The following NBEAL1 variants were observed in gnomAD, a reference collection of about 807,000 sequenced individuals.
The protein encoded by NBEAL1 is neurobeachin-like protein 1.
NBEAL1 carries 273 observed loss-of-function variants against 351.3 expected under a neutral mutation model. That is an observed-to-expected ratio of 0.78 (90% CI 0.70 to 0.86). The LOEUF is 0.86. Ranked by LOEUF, NBEAL1 falls within the 40% of genes least tolerant of loss-of-function variation. NBEAL1 has a pLI of 0.00. For missense variants in NBEAL1, 2,961 were observed against 3,201.3 expected, an observed-to-expected ratio of 0.92 and a Z score of 1.81; for synonymous variants, 1,050 against 1,086.4, an observed-to-expected ratio of 0.97 and a Z score of 0.66.
chr2:203,144,330 A>G (rs1263468268), intron 31 of NBEAL1, among the ~76,000 whole-genome samples: 1 of 151,880 alleles, frequency 6.6e-6, no homozygotes, highest in Non-Finnish European at 1.5e-5. Context: ...TGGGAATTGC[A>G]CTTTGAGAAA....
chr2:203,190,151 GAT>G (rs2065025258), intron 45 of NBEAL1, 139 bp from the exon 46 acceptor site: 5 of 422,768 alleles, frequency 1.2e-5, no homozygotes, highest in Middle Eastern at 5.9e-4. Flanking sequence ...AAAAAAAAAA[GAT>G]GTGTGTACAC....
chr2:203,169,736 G>A lies in NBEAL1; in HGVS notation c.5998-11G>A. On this transcript the variant is annotated splice_polypyrimidine_tract_variant and intron_variant, in intron 38 of 55. Transcript: ENST00000683969. The stretch of plus-strand genomic sequence containing the variant: ...ATTCATTTTTAAAGTATAAAATGCT[G>A]TTTTTTATAGGTTAGAAACAAAATA... The A allele has an allele frequency of 6.5e-7, 1 of 1,530,018 alleles. No homozygotes were observed. Among genetic ancestry groups the A allele is most frequent in the Non-Finnish European group, 8.9e-7 (1 of 1,121,252 alleles). The allele number at this position is 1,530,018 out of a possible 1,614,324, so 94.8% of individuals were successfully genotyped here.
intron 10 of NBEAL1, among the ~76,000 whole-genome samples, chr2:203,093,059 C>A (rs1346292037): frequency 6.6e-6 from 1 of 151,678 alleles, no homozygotes; most frequent in Non-Finnish European, 1.5e-5. Flanking sequence ...AGTGAAACCC[C>A]GTCTCTACTA....
chr2:203,192,958 T>A (rs1452830567), intron 46 of NBEAL1, among the ~76,000 whole-genome samples: 2 of 127,076 alleles, frequency 1.6e-5, no homozygotes, highest in Non-Finnish European at 3.4e-5. Flanking sequence ...TTTTTTTCTT[T>A]CTTTCTTTTT....
chr2:203,083,725 A>G (rs2061912951), intron 9 of NBEAL1, among the ~76,000 whole-genome samples, 200 bp downstream of exon 9: 1 of 152,252 alleles, frequency 6.6e-6, no homozygotes, highest in South Asian at 2.1e-4. Flanking sequence ...TAACAATAAC[A>G]AAGTCAAGTC....
At chr2:203,094,226 G>T (rs1318519546) in intron 10 of NBEAL1, among the ~76,000 whole-genome samples, 1 of 152,048 alleles carries the variant, frequency 6.6e-6, no homozygotes, top group Admixed American at 6.5e-5. Context: ...AATGTTTTCT[G>T]TATATTAAAT....
At chr2:203,027,546 C>T (rs2060878615) in intron 2 of NBEAL1, among the ~76,000 whole-genome samples, 1 of 152,096 alleles carries the variant, frequency 6.6e-6, no homozygotes, top group Admixed American at 6.5e-5. Flanking sequence ...ATAATTTTTA[C>T]TGACACTGAA....
chr2:203,121,821 T>A (rs1396266071), intron 18 of NBEAL1, among the ~76,000 whole-genome samples: 3 of 152,116 alleles, frequency 2.0e-5, no homozygotes, highest in Non-Finnish European at 4.4e-5. Context: ...AGTCTCACTC[T>A]GTCACTGAGG....
At chr2:203,184,074 TAAAAAAA>T (rs1170251389) in intron 44 of NBEAL1, among the ~76,000 whole-genome samples, 4 of 87,984 alleles carry the variant, frequency 4.5e-5, no homozygotes, top group Non-Finnish European at 8.6e-5. Flanking sequence ...CGAGACTGTC[TAAAAAAA>T]AAAAAAAAAA....
intron 2 of NBEAL1, among the ~76,000 whole-genome samples, chr2:203,024,320 G>A (rs1483171120): frequency 6.6e-6 from 1 of 152,132 alleles, no homozygotes; most frequent in Admixed American, 6.6e-5. Flanking sequence ...CATTTTGGGA[G>A]GCCAAGGTGG....
chr2:203,136,040 T>G lies in NBEAL1; in HGVS notation c.4177T>G (p.Trp1393Gly), dbSNP rs372157805. The change falls in exon 28 of 56, where the codon TGG (tryptophan) becomes GGG (glycine). Residue 1393 changes from tryptophan (W) to glycine (G), a missense_variant. Trp to Gly is a radical substitution (Grantham distance 184). Transcript: ENST00000683969. ...SFKSENQEEF[W>G]HSNPSHLSLD... Reference sequence around the variant, plus strand: ...CAAATCAGAGAATCAAGAGGAATTCTGGCATAGTAACCCTTCACATTTGAG... The same window carrying G: ...CAAATCAGAGAATCAAGAGGAATTCGGGCATAGTAACCCTTCACATTTGAG... The G allele has an allele frequency of 4.0e-5, 65 of 1,613,604 alleles. No homozygotes were observed. Among genetic ancestry groups the G allele is most frequent in the Non-Finnish European group, 5.4e-5 (64 of 1,179,882 alleles).
chr2:203,052,214 C>A (rs892713000), intron 4 of NBEAL1: 2 of 151,776 alleles, frequency 1.3e-5, no homozygotes, highest in African/African-American at 4.8e-5. Flanking sequence ...CACACACACA[C>A]ACCCCATACC....
At chr2:203,024,496 G>C (rs947432347) in intron 2 of NBEAL1, among the ~76,000 whole-genome samples, 6 of 151,790 alleles carry the variant, frequency 4.0e-5, no homozygotes. Flanking sequence ...GGGTTGCAGT[G>C]GGTCAAATTT....
chr2:203,083,187 AG>A (rs1559353222), intron 8 of NBEAL1, 31 bp from the exon 9 acceptor site: 1 of 1,511,038 alleles, frequency 6.6e-7, no homozygotes, highest in Non-Finnish European at 8.9e-7. Context: ...CATTAGGTTT[AG>A]GTTTCATTTT....
chr2:203,033,983 C>A (rs1160512440), intron 2 of NBEAL1, among the ~76,000 whole-genome samples: 1 of 152,080 alleles, frequency 6.6e-6, no homozygotes, highest in Non-Finnish European at 1.5e-5. Flanking sequence ...CAATAACTCC[C>A]TTCTTTGTAT....
intron 28 of NBEAL1, among the ~76,000 whole-genome samples, 161 bp from the exon 29 acceptor site, chr2:203,136,438 C>A (rs1271675906): frequency 3.9e-5 from 6 of 152,164 alleles, no homozygotes. Context: ...AAGCTAATGT[C>A]TTACTCATCT....
chr2:203,160,069 C>T (rs2063905098), intron 36 of NBEAL1, among the ~76,000 whole-genome samples: 2 of 145,094 alleles, frequency 1.4e-5, no homozygotes, highest in Non-Finnish European at 1.5e-5. Flanking sequence ...AATCACTTGC[C>T]CCCCGCTATT....
intron 28 of NBEAL1, 27 bp downstream of exon 28, chr2:203,136,279 T>G (rs774138767): frequency 6.8e-7 from 1 of 1,465,996 alleles, no homozygotes; most frequent in Admixed American, 2.2e-5. Flanking sequence ...TTCCAAATGT[T>G]GTTTTTATTT....
At position 203,126,711 on chromosome 2, in the gene NBEAL1, G is replaced by T; in HGVS notation, c.3140G>T (p.Arg1047Leu). The T allele has an allele frequency of 1.3e-6, 2 of 1,502,576 alleles. No individual in the cohort carries two copies. Among genetic ancestry groups the T allele is most frequent in the East Asian group, 2.5e-5 (1 of 40,494 alleles). The allele number at this position is 1,502,576 out of a possible 1,614,324, so 93.1% of individuals were successfully genotyped here. The change falls in exon 22 of 56, where the codon CGA becomes CTA. Residue 1047 changes from arginine (R) to leucine (L), a missense_variant. By Grantham distance (102) the Arg-to-Leu change is moderately radical. Coordinates refer to ENST00000683969, the MANE Select transcript of NBEAL1 (RefSeq NM_001378026.1). Reference protein sequence around the residue: ...RIWNRGDFPFRIGHIQYLSTI... With the variant: ...RIWNRGDFPFLIGHIQYLSTI... ...TGGAACCGTGGAGATTTTCCCTTTC[G>T]AATCGGTGAGAGCAGGCTTTCAGAT...
Sources: gnomAD v4.1 joint callset for allele counts (sites outside exome capture counted in the v4.1 genomes callset) on GRCh38, gnomAD v4.1.1 for gene constraint, MANE v1.5 for transcripts, NCBI Gene and HGNC (gene_info 2026-07-23, HGNC 2026-07-21) for gene names.